The following VTN variants were observed in gnomAD, a reference collection of about 807,000 sequenced individuals.
VTN encodes the protein vitronectin.
VTN carries 45 observed loss-of-function variants against 55.9 expected under a neutral mutation model. The ratio of observed to expected loss-of-function variants is 0.80; its 90% CI spans 0.63 to 1.03. VTN has a LOEUF of 1.03. Ranked by LOEUF, VTN falls within the 50% of genes least tolerant of loss-of-function variation. The pLI, the probability that VTN is intolerant of heterozygous loss-of-function variation, is 0.00. For missense variants in VTN, 589 were observed against 638.2 expected (o/e 0.92, Z 0.83); for synonymous variants, 238 against 242.3 (o/e 0.98, Z 0.17).
At position 28,369,229 on chromosome 17, in the gene VTN, G is replaced by A. The variant is rs2067932676; in HGVS notation, c.669+60C>T. The A allele has an allele frequency of 6.5e-7, 1 of 1,528,014 alleles. No homozygotes were observed. The highest frequency in any genetic ancestry group is 8.8e-7 in the Non-Finnish European group (1 of 1,136,856). 94.7% of individuals were successfully genotyped at this position (1,528,014 alleles called of 1,614,324 possible). A position where few individuals can be genotyped will look rare whatever the true frequency, so the allele number is the denominator to read the frequency against. ...GCTTCCCTGTCCACCCTGTCCCTGG[G>A]AGCAATAGCTCTCAAACCCTCCCTA... On this transcript the variant is annotated intron_variant, in intron 4 of 7. Transcript: ENST00000226218. The surrounding 1 kb of genome is among the most constrained non-coding windows in gnomAD (Gnocchi z 5.3).
At position 28,367,863 on chromosome 17, in the gene VTN, G is replaced by A; in HGVS notation, c.1176C>T (p.Asn392=). The A allele has an allele frequency of 6.2e-7, 1 of 1,614,092 alleles. No homozygotes were observed. The highest frequency in any genetic ancestry group is 8.5e-7 in the Non-Finnish European group (1 of 1,179,994). ...ACGTGGCGCGGGATGGCCGGCGGGA[G>A]TTCTGGTTGCGGCCACGGCTGTGGC... The part of the protein sequence containing the change: ...QRGHSRGRNQ[N]SRRPSRATWL... Residue 392 remains asparagine (N), a synonymous_variant, in exon 7 of 8, where the codon AAC becomes AAT. Coordinates refer to ENST00000226218, the MANE Select transcript of VTN (RefSeq NM_000638.4).
chr17:28,368,071 A>T lies in VTN; in HGVS notation c.980-12T>A, dbSNP rs1349284801. ...CTGTCTGGTACCAGCTGTGGCAGGG[A>T]AGGGGTGAATGAGAGGTCTTGGGGG... On this transcript the variant is annotated splice_polypyrimidine_tract_variant and intron_variant, in intron 6 of 7. Transcript: ENST00000226218. 1 of 1,561,392 alleles carries T rather than the reference A, an allele frequency of 6.4e-7. No homozygotes were observed. Among genetic ancestry groups the T allele is most frequent in the Non-Finnish European group, 8.7e-7 (1 of 1,152,414 alleles).
chr17:28,367,371 A>G lies in VTN; in HGVS notation c.1435T>C (p.Ter479GlnextTer11). ...CCCGGCCATGTGGGCTCTGACTCCT[A>G]CAGATGGCCAGGAGCTGGGCAGCCC... Reference protein sequence around the residue: ...WLGCPAPGHL* With the variant: ...WLGCPAPGHLQ The change falls in exon 8 of 8, where the codon TAG becomes CAG. Residue 479 changes from the stop codon to glutamine, a stop_lost. Transcript: ENST00000226218. The G allele has an allele frequency of 1.3e-6, 2 of 1,588,170 alleles. No individual in the cohort carries two copies. Among genetic ancestry groups the G allele is most frequent in the Non-Finnish European group, 1.7e-6 (2 of 1,169,150 alleles).
Position 28,369,946 on chromosome 17 carries a change from C to A in VTN, c.165G>T (p.Thr55=). The stretch of plus-strand genomic sequence containing the variant: ...ACACACCTTGGGGCTTGCACTCAGC[C>A]GTATAGTCTGTGCAGCAGCTCTGGT... ...SYYQSCCTDY[T]AECKPQVTRG... Residue 55 remains threonine, a synonymous_variant, in exon 2 of 8, where the codon ACG becomes ACT. Transcript: ENST00000226218. The surrounding 1 kb of genome is among the most constrained non-coding windows in gnomAD (Gnocchi z 5.3). 1 of 1,614,090 alleles carries A rather than the reference C, an allele frequency of 6.2e-7. No individual in the cohort carries two copies.
At position 28,369,573 on chromosome 17, in the gene VTN, G is replaced by T; in HGVS notation, c.463C>A (p.Leu155Met). The T allele has an allele frequency of 6.2e-7, 1 of 1,612,890 alleles. No homozygotes were observed. The highest frequency in any genetic ancestry group is 8.5e-7 in the Non-Finnish European group (1 of 1,180,018). Residue 155 changes from leucine to methionine, a missense_variant, in exon 3 of 8, where the codon CTG becomes ATG. Leu to Met is a conservative substitution (Grantham distance 15). Transcript: ENST00000226218. The surrounding 1 kb of genome is among the most constrained non-coding windows in gnomAD (Gnocchi z 5.3). ...GCGTCGAAGGGCTTCCCACTGCACA[G>T]CTCCTCCTCTGCTGGGGGCTGAGGT... ...GRPQPPAEEE[L>M]CSGKPFDAFT...
rs782534428 is a variant in VTN at position 28,370,048 on chromosome 17, T to C, written c.65-2A>G. ...CAGTGCAGCGGCCCTTGCATGACTC[T>C]ATGAGGAAGGAGTGTCAGTCGGTGC... On this transcript the variant is annotated splice_acceptor_variant, in intron 1 of 7. Coordinates refer to ENST00000226218, the MANE Select transcript of VTN (RefSeq NM_000638.4). LOFTEE classifies it high-confidence loss of function. The C allele has an allele frequency of 1.9e-6, 3 of 1,614,096 alleles. No individual in the cohort carries two copies. The highest frequency in any genetic ancestry group is 3.3e-5 in the Admixed American group (2 of 60,024).
At chr17:28,367,589 G>A in intron 7 of VTN, 108 bp from the exon 8 acceptor site, 1 of 1,394,580 alleles carries the variant, frequency 7.2e-7, no homozygotes, top group Non-Finnish European at 1.0e-6. Context: ...CATCCATGAT[G>A]CAGCTAAGGA....
At chr17:28,368,410 CT>C (rs1266504339) in intron 6 of VTN, 110 bp downstream of exon 6, 7 of 1,465,394 alleles carry the variant, frequency 4.8e-6, no homozygotes, top group Non-Finnish European at 5.6e-6. Flanking sequence ...AGCAAACAGA[CT>C]TTGATCGATA....
rs782378042 is a variant in VTN at position 28,368,103 on chromosome 17, TCTTGCC to T, written c.980-50_980-45del. The T allele has an allele frequency of 6.5e-5, 98 of 1,498,030 alleles. No individual in the cohort carries two copies. The East Asian group carries it at 2.3e-3, about 36-fold the overall frequency. The allele number at this position is 1,498,030 out of a possible 1,614,324, so 92.8% of individuals were successfully genotyped here. ...GAATGAGAGGTCTTGGGGGTCCGAA[TCTTGCC>T]CCTTCCAGCGGGGCCATTAGAGTTC... On this transcript the variant is annotated intron_variant, in intron 6 of 7. Coordinates refer to ENST00000226218, the MANE Select transcript of VTN (RefSeq NM_000638.4).
rs782109157 is a variant in VTN, at chr17:28,370,011, C to T, written c.100G>A (p.Val34Met). Reference protein sequence around the residue: ...CKGRCTEGFNVDKKCQCDELC... With the variant: ...CKGRCTEGFNMDKKCQCDELC... ...TCGTCACACTGGCACTTCTTGTCCA[C>T]GTTGAAGCCCTCAGTGCAGCGGCCC... Residue 34 changes from valine to methionine, a missense_variant, in exon 2 of 8, where the codon GTG becomes ATG. Physicochemically the swap from Val to Met is conservative, Grantham distance 21. Coordinates refer to ENST00000226218, the MANE Select transcript of VTN (RefSeq NM_000638.4). 5.6e-6 allele frequency: 9 copies of T among 1,614,104 alleles called. No individual in the cohort carries two copies. The highest frequency in any genetic ancestry group is 2.7e-5 in the African/African-American group (2 of 75,050).
In VTN at chr17:28,367,837, C is replaced by T; in HGVS notation, c.1202G>A (p.Trp401Ter). 6.2e-7 allele frequency: 1 copy of T among 1,614,194 alleles called. No homozygotes were observed. The highest frequency in any genetic ancestry group is 8.5e-7 in the Non-Finnish European group (1 of 1,180,042). ...QNSRRPSRAT[W>*]LSLFSSEESN... ...CTCCTCACTGGAGAACAAGGACAGCCACGTGGCGCGGGATGGCCGGCGGGA... is the reference window on the plus strand; with the variant it reads ...CTCCTCACTGGAGAACAAGGACAGCTACGTGGCGCGGGATGGCCGGCGGGA... Residue 401 changes from tryptophan to a stop codon, truncating the protein, a stop_gained, in exon 7 of 8, where the codon TGG (tryptophan) becomes TAG (stop). Transcript: ENST00000226218. LOFTEE classifies it high-confidence loss of function.
Position 28,369,478 on chromosome 17 carries a change from C to A in VTN, c.529+29G>T, listed in dbSNP as rs782430869. 1 of 1,592,224 alleles carries A rather than the reference C, an allele frequency of 6.3e-7. No individual in the cohort carries two copies. Among genetic ancestry groups the A allele is most frequent in the Non-Finnish European group, 8.6e-7 (1 of 1,169,288 alleles). On this transcript the variant is annotated intron_variant, in intron 3 of 7. Transcript: ENST00000226218. This position sits in a 1 kb window ranked among gnomAD's most constrained non-coding sequence, Gnocchi z 5.3. The stretch of plus-strand genomic sequence containing the variant: ...AGCAGGGACGCTCCTGGGGCAGACC[C>A]GCATCCCCAGTACCTGCCCTGGATT...
Position 28,369,714 on chromosome 17 carries a change from C to T in VTN, c.322G>A (p.Gly108Arg). ...LTSDLQAQSK[G>R]NPEQTPVLKP... is the part of the protein sequence containing the mutation. ...AGAACAGGTGTCTGCTCAGGATTCC[C>T]TTTGGACTGGGCCTGGAGGTCAGAG... The change falls in exon 3 of 8, where the codon GGG becomes AGG. Residue 108 changes from glycine to arginine, a missense_variant. Physicochemically the swap from Gly to Arg is moderately radical, Grantham distance 125. Around this residue, in one of 3 missense-constraint regions of VTN, gnomAD observed 217 missense variants for 241.3 expected, o/e 0.90. Coordinates refer to ENST00000226218, the MANE Select transcript of VTN (RefSeq NM_000638.4). This position sits in a 1 kb window ranked among gnomAD's most constrained non-coding sequence, Gnocchi z 5.3. The T allele has an allele frequency of 6.2e-7, 1 of 1,613,898 alleles. No homozygotes were observed. The highest frequency in any genetic ancestry group is 8.5e-7 in the Non-Finnish European group (1 of 1,180,022).
chr17:28,370,210 G>T lies in VTN; in HGVS notation c.-7C>A, dbSNP rs2067941033. The stretch of plus-strand genomic sequence containing the variant: ...GGGGTCTCAGGGGTGCCATGGCAGG[G>T]CTTCTAGCTCAGTGCCTGGCAAGCT... On this transcript the variant is annotated 5_prime_UTR_variant, in exon 1 of 8. Transcript: ENST00000226218. 5.6e-6 allele frequency: 9 copies of T among 1,611,402 alleles called. No homozygotes were observed. In the East Asian group the frequency reaches 2.0e-4, roughly 36 times the overall value.
In VTN at chr17:28,368,565, C is replaced by T. The variant is rs781977563; in HGVS notation, c.935G>A (p.Ser312Asn). Residue 312 changes from serine to asparagine, a missense_variant, in exon 6 of 8, where the codon AGC becomes AAC. Transcript: ENST00000226218. ...GAGAAGCTCGAAGATGTCCTCCCAGCTGTCCCGCTGCATCATGGCAAAGTG... is the reference window on the plus strand; with the variant it reads ...GAGAAGCTCGAAGATGTCCTCCCAGTTGTCCCGCTGCATCATGGCAAAGTG... ...FEHFAMMQRD[S>N]WEDIFELLFW... 5 of 1,614,056 alleles carry T rather than the reference C, an allele frequency of 3.1e-6. No homozygotes were observed. The South Asian group carries it at 5.5e-5, about 18-fold the overall frequency.
Position 28,369,058 on chromosome 17 carries a change from T to A in VTN, c.670-30A>T. The A allele has an allele frequency of 6.4e-7, 1 of 1,555,274 alleles. No individual in the cohort carries two copies. The highest frequency in any genetic ancestry group is 8.6e-7 in the Non-Finnish European group (1 of 1,156,200). ...GAGGTGGGGAAAGTGAAAAGGGGTA[T>A]GGAGGCCGCTGGCTGGGCACAGAGG... is the stretch of plus-strand genomic sequence containing the variant. On this transcript the variant is annotated intron_variant, in intron 4 of 7. Coordinates refer to ENST00000226218, the MANE Select transcript of VTN (RefSeq NM_000638.4). This position sits in a 1 kb window ranked among gnomAD's most constrained non-coding sequence, Gnocchi z 5.3.
In VTN at chr17:28,369,134, A is replaced by G. The variant is rs1486307413; in HGVS notation, c.670-106T>C. 2.0e-6 allele frequency: 3 copies of G among 1,503,822 alleles called. No homozygotes were observed. Among genetic ancestry groups the G allele is most frequent in the African/African-American group, 2.8e-5 (2 of 71,276 alleles). 93.2% of individuals were successfully genotyped at this position (1,503,822 alleles called of 1,614,324 possible). ...GTTCCCAGGTCCAGGTTCACTGCCC[A>G]GGACCTGGAGTCTTGGGGCTGCCCT... On this transcript the variant is annotated intron_variant, in intron 4 of 7. Transcript: ENST00000226218. This position sits in a 1 kb window ranked among gnomAD's most constrained non-coding sequence, Gnocchi z 5.3.
At position 28,370,224 on chromosome 17, in the gene VTN, G is replaced by A. The variant is rs967777222; in HGVS notation, c.-21C>T. 1 of 1,604,660 alleles carries A rather than the reference G, an allele frequency of 6.2e-7. No homozygotes were observed. The highest frequency in any genetic ancestry group is 8.5e-7 in the Non-Finnish European group (1 of 1,173,988). ...GCCATGGCAGGGCTTCTAGCTCAGT[G>A]CCTGGCAAGCTGGGCTCTGGTCTCC... On this transcript the variant is annotated 5_prime_UTR_variant, in exon 1 of 8. Transcript: ENST00000226218.
rs782316928 is a variant in VTN at position 28,367,952 on chromosome 17, G to T, written c.1087C>A (p.Pro363Thr). The T allele has an allele frequency of 1.2e-6, 2 of 1,602,328 alleles. No individual in the cohort carries two copies. Among genetic ancestry groups the T allele is most frequent in the East Asian group, 4.5e-5 (2 of 44,464 alleles). The change falls in exon 7 of 8, where the codon CCC becomes ACC. Residue 363 changes from proline to threonine, a missense_variant. Physicochemically the swap from Pro to Thr is conservative, Grantham distance 38. This residue lies in a region of VTN where 334 missense variants were observed against 328.2 expected (regional missense o/e 1.02). Transcript: ENST00000226218. Reference sequence around the variant, plus strand: ...AACCTTTGTTTCTTGGCCAAGGAGGGGCGGGGTGCCATGCCTGAGATGTAG... The same window carrying T: ...AACCTTTGTTTCTTGGCCAAGGAGGTGCGGGGTGCCATGCCTGAGATGTAG... ...RIYISGMAPR[P>T]SLAKKQRFRH...
Sources: allele counts gnomAD v4.1 joint callset, GRCh38; gene constraint gnomAD v4.1.1; regional missense constraint gnomAD v4.1.1; non-coding constraint Gnocchi (gnomAD v3.1); transcripts MANE v1.5; gene names NCBI Gene and HGNC (gene_info 2026-07-23, HGNC 2026-07-21).